The following STOX1 variants were observed in gnomAD, a reference collection of about 807,000 sequenced individuals.
The protein encoded by STOX1 is storkhead box 1.
In STOX1, 57 loss-of-function variants were observed where a neutral mutation model predicts 74.8. The observed-to-expected ratio is 0.76, with a 90% CI of 0.62 to 0.95. STOX1 has a LOEUF of 0.95. Ranked by LOEUF, STOX1 falls within the 40% of genes least tolerant of loss-of-function variation. The pLI, the probability that STOX1 is intolerant of heterozygous loss-of-function variation, is 0.00. For missense variants in STOX1, 1,010 were observed against 1,117.0 expected, an observed-to-expected ratio of 0.90 and a Z score of 1.37; for synonymous variants, 375 against 401.3, an observed-to-expected ratio of 0.93 and a Z score of 0.78.
chr10:68,833,213 G>A (rs1268241437), intron 1 of STOX1, among the ~76,000 whole-genome samples: 1 of 151,494 alleles, frequency 6.6e-6, no homozygotes, highest in East Asian at 2.0e-4. Context: ...AGCCTCCCGA[G>A]TAGCTGGGAC....
Position 68,885,882 on chromosome 10 carries a change from A to G in STOX1, c.2086A>G (p.Arg696Gly). 1 of 1,614,198 alleles carries G rather than the reference A, an allele frequency of 6.2e-7. No individual in the cohort carries two copies. Residue 696 changes from arginine (R) to glycine (G), a missense_variant, in exon 3 of 4, where the codon AGA (arginine) becomes GGA (glycine). Coordinates refer to ENST00000298596, the MANE Select transcript of STOX1 (RefSeq NM_152709.5). ...AGACAAAGACTCAGAAGAATTATTG[A>G]GAAAAGGATTTGTCCAGGATGCAGA... ...RQDKDSEELL[R>G]KGFVQDAETT...
At chr10:68,863,286 C>CA (rs1361164460) in intron 1 of STOX1, among the ~76,000 whole-genome samples, 4 of 152,106 alleles carry the variant, frequency 2.6e-5, no homozygotes, top group African/African-American at 9.7e-5. Flanking sequence ...AAGGAATACT[C>CA]ACGGCAATGC....
intron 1 of STOX1, among the ~76,000 whole-genome samples, chr10:68,865,237 T>A (rs538062539): frequency 1.3e-5 from 2 of 152,238 alleles, no homozygotes; most frequent in Non-Finnish European, 2.9e-5. Flanking sequence ...CACTTTCCAA[T>A]GAAAATGCTT....
At chr10:68,846,177 C>T (rs971489409) in intron 1 of STOX1, among the ~76,000 whole-genome samples, 3 of 138,730 alleles carry the variant, frequency 2.2e-5, no homozygotes, top group South Asian at 2.3e-4. Flanking sequence ...GACGGAGTCT[C>T]GCTCTGTCAC....
At chr10:68,893,236 G>A (rs1432431817), downstream of STOX1, among the ~76,000 whole-genome samples, 1 of 152,204 alleles carries the variant, frequency 6.6e-6, no homozygotes, top group Admixed American at 6.5e-5. Context: ...TCATTACCAA[G>A]AAAGAGTTTA....
rs116766999 is a variant in STOX1, at chr10:68,877,541, C to T, written c.311-4417C>T. On this transcript the variant is annotated intron_variant, in intron 1 of 3. Coordinates refer to ENST00000298596, the MANE Select transcript of STOX1 (RefSeq NM_152709.5). ...CTCTCCCAGCCCCATGAAAATCTAT[C>T]TTGACTATTAGTTTTCTTATGAAAA... 5.2e-3 allele frequency among the ~76,000 whole-genome samples: 786 copies of T among 152,298 alleles called. 15 individuals carry two copies. Among genetic ancestry groups the T allele is most frequent in the African/African-American group, 0.018 (757 of 41,566 alleles).
Position 68,885,121 on chromosome 10 carries a change from T to C in STOX1, c.1325T>C (p.Phe442Ser). Residue 442 changes from phenylalanine (F) to serine (S), a missense_variant, in exon 3 of 4, where the codon TTT (phenylalanine) becomes TCT (serine). Transcript: ENST00000298596. Reference sequence around the variant, plus strand: ...AAAGCCAGGAATCAGGGAAGTGAGTTTCAGCCAGGAAGCATTAGACTGGAG... The same window carrying C: ...AAAGCCAGGAATCAGGGAAGTGAGTCTCAGCCAGGAAGCATTAGACTGGAG... ...RHKARNQGSEFQPGSIRLEKH... is the reference protein window; with the variant it reads ...RHKARNQGSESQPGSIRLEKH... 6.2e-7 allele frequency: 1 copy of C among 1,612,942 alleles called. No individual in the cohort carries two copies. The highest frequency in any genetic ancestry group is 8.5e-7 in the Non-Finnish European group (1 of 1,179,352).
chr10:68,833,375 G>A (rs375145810), intron 1 of STOX1, among the ~76,000 whole-genome samples: 9 of 152,184 alleles, frequency 5.9e-5, no homozygotes, highest in South Asian at 4.1e-4. Flanking sequence ...AGGACAAGCC[G>A]TAGACAAAAC....
chr10:68,843,540 T>G (rs942582333), intron 1 of STOX1, among the ~76,000 whole-genome samples: 13 of 151,874 alleles, frequency 8.6e-5, no homozygotes, highest in African/African-American at 2.7e-4. Flanking sequence ...TACCGGTTTT[T>G]TTGTTGTTGT....
intron 1 of STOX1, among the ~76,000 whole-genome samples, chr10:68,859,873 T>G (rs1840217193): frequency 1.3e-5 from 2 of 151,920 alleles, no homozygotes; most frequent in Admixed American, 1.3e-4. Context: ...ATGCTTGTCT[T>G]TTGACATCAT....
chr10:68,860,087 C>T (rs948141408), intron 1 of STOX1, among the ~76,000 whole-genome samples: 9 of 151,850 alleles, frequency 5.9e-5, no homozygotes, highest in Non-Finnish European at 1.3e-4. Context: ...GTCCAGAGTT[C>T]GAGACCAGCC....
rs190186202 is a variant in STOX1, at chr10:68,856,188, G to C, written c.311-25770G>C. ...GACGGGTCACGTGCTGGGATTAGAG[G>C]TGTGAGCCACTGCACCTGGACCAAA... On this transcript the variant is annotated intron_variant, in intron 1 of 3. Coordinates refer to ENST00000298596, the MANE Select transcript of STOX1 (RefSeq NM_152709.5). 3.9e-5 allele frequency among the ~76,000 whole-genome samples: 6 copies of C among 152,174 alleles called. No individual in the cohort carries two copies. In the East Asian group the frequency reaches 1.2e-3, roughly 29 times the overall value.
intron 1 of STOX1, among the ~76,000 whole-genome samples, chr10:68,840,164 T>C (rs567008425): frequency 6.6e-6 from 1 of 152,274 alleles, no homozygotes; most frequent in African/African-American, 2.4e-5. Context: ...CCCTTTCTTA[T>C]ACCATCCACA....
chr10:68,866,121 A>G (rs1840398029), intron 1 of STOX1, among the ~76,000 whole-genome samples: 1 of 152,008 alleles, frequency 6.6e-6, no homozygotes, highest in Admixed American at 6.6e-5. Context: ...AGGAATTAAA[A>G]CTTGTGCTCC....
At chr10:68,837,932 T>C (rs1313888128) in intron 1 of STOX1, among the ~76,000 whole-genome samples, 2 of 152,378 alleles carry the variant, frequency 1.3e-5, no homozygotes, top group South Asian at 2.1e-4. Context: ...TTGTGCCTTC[T>C]TTAATTTCTT....
intron 1 of STOX1, among the ~76,000 whole-genome samples, chr10:68,874,484 C>A (rs543732050): frequency 6.6e-6 from 1 of 152,174 alleles, no homozygotes; most frequent in South Asian, 2.1e-4. Context: ...AGATATCCTG[C>A]CCTTTTAAGC....
At position 68,885,780 on chromosome 10, in the gene STOX1, A is replaced by G; in HGVS notation, c.1984A>G (p.Thr662Ala). Residue 662 changes from threonine (T) to alanine (A), a missense_variant, in exon 3 of 4, where the codon ACA becomes GCA. By Grantham distance (58) the Thr-to-Ala change is moderately conservative. Coordinates refer to ENST00000298596, the MANE Select transcript of STOX1 (RefSeq NM_152709.5). ...CTCTGCTTGTAGATTAGTGGATAAC[A>G]CAATACACCAGTTTCAAAATCTTGG... Reference protein sequence around the residue: ...TPSACRLVDNTIHQFQNLGLL... With the variant: ...TPSACRLVDNAIHQFQNLGLL... The G allele has an allele frequency of 6.2e-7, 1 of 1,614,120 alleles. No homozygotes were observed. Among genetic ancestry groups the G allele is most frequent in the South Asian group, 1.1e-5 (1 of 91,086 alleles).
At chr10:68,873,918 G>C (rs1476021727) in intron 1 of STOX1, among the ~76,000 whole-genome samples, 6 of 150,424 alleles carry the variant, frequency 4.0e-5, no homozygotes, top group Non-Finnish European at 8.9e-5. Context: ...CAAAGTGCTG[G>C]GATTACAGGC....
chr10:68,869,546 A>G (rs906480516), intron 1 of STOX1, among the ~76,000 whole-genome samples: 5 of 152,190 alleles, frequency 3.3e-5, no homozygotes, highest in Non-Finnish European at 5.9e-5. Flanking sequence ...GGTATGGGGA[A>G]GAGTGCTGTA....
Sources: gnomAD v4.1 joint callset for allele counts (sites outside exome capture counted in the v4.1 genomes callset) on GRCh38, gnomAD v4.1.1 for gene constraint, MANE v1.5 for transcripts, NCBI Gene and HGNC (gene_info 2026-07-23, HGNC 2026-07-21) for gene names.